Variants in BTN3A3 observed in about 807,000 individuals in gnomAD.
The protein encoded by BTN3A3 is butyrophilin 3.
BTN3A3 carries 39 observed loss-of-function variants against 43.2 expected under a neutral mutation model. The observed-to-expected ratio is 0.90, with a 90% confidence interval of 0.70 to 1.18. The LOEUF (loss-of-function observed/expected upper bound fraction) is 1.18. Among genes scored for constraint, BTN3A3 ranks in the 50% most tolerant of loss-of-function variants. The pLI, the probability that BTN3A3 is intolerant of heterozygous loss-of-function variation, is 0.00. For synonymous variants in BTN3A3, 255 were observed against 272.7 expected, an observed-to-expected ratio of 0.93 and a Z score of 0.64; for missense variants, 631 against 722.8, an observed-to-expected ratio of 0.87 and a Z score of 1.46.
intron 10 of BTN3A3, 85 bp downstream of exon 10, chr6:26,450,218 A>C (rs950836427): frequency 3.2e-5 from 49 of 1,514,348 alleles, no homozygotes; most frequent in Non-Finnish European, 1.0e-5. Flanking sequence ...TGATTTAGGG[A>C]AGAAAAGTTC....
Position 26,452,375 on chromosome 6 carries a change from C to T in BTN3A3, c.1719C>T (p.Asn573=). The T allele has an allele frequency of 6.2e-7, 1 of 1,607,112 alleles. No homozygotes were observed. Among genetic ancestry groups the T allele is most frequent in the Non-Finnish European group, 8.5e-7 (1 of 1,179,874 alleles). Residue 573 remains asparagine, a synonymous_variant, in exon 11 of 11, where the codon AAC becomes AAT. Transcript: ENST00000244519. ...CCCCTTCTGCAACAACCAATCAGAA[C>T]CATAAGCTACAGGCACGCACTGAAG... ...EVSPSATTNQ[N]HKLQARTEAL... is the part of the protein sequence containing the mutation.
Position 26,452,117 on chromosome 6 carries a change from G to T in BTN3A3, c.1461G>T (p.Pro487=), listed in dbSNP as rs774875636. ...ATGGATCTCATATCTACACCTTTCC[G>T]CACGCCTCTTTCTCTGAGCCTCTAT... ...ATDGSHIYTF[P]HASFSEPLYP... is the part of the protein sequence containing the mutation. Residue 487 remains proline, a synonymous_variant, in exon 11 of 11, where the codon CCG becomes CCT. Coordinates refer to ENST00000244519, the MANE Select transcript of BTN3A3 (RefSeq NM_006994.5). 1.1e-5 allele frequency: 17 copies of T among 1,614,022 alleles called. No homozygotes were observed. The highest frequency in any genetic ancestry group is 1.4e-5 in the Non-Finnish European group (16 of 1,180,004).
In BTN3A3 at chr6:26,452,220, C is replaced by T; in HGVS notation, c.1564C>T (p.Pro522Ser). The T allele has an allele frequency of 6.2e-7, 1 of 1,614,130 alleles. No individual in the cohort carries two copies. The highest frequency in any genetic ancestry group is 8.5e-7 in the Non-Finnish European group (1 of 1,180,020). The change falls in exon 11 of 11, where the codon CCC (proline) becomes TCC (serine). Residue 522 changes from proline to serine, a missense_variant. Pro to Ser is a moderately conservative substitution (Grantham distance 74). Transcript: ENST00000244519. ...CPIPKEVESSPDPDLVPDHSL... is the reference protein window; with the variant it reads ...CPIPKEVESSSDPDLVPDHSL... ...AATACCAAAAGAAGTAGAGAGTTCC[C>T]CCGATCCTGACCTAGTGCCTGATCA...
At chr6:26,449,785 T>C in intron 9 of BTN3A3, 97 bp downstream of exon 9, 2 of 1,447,516 alleles carry the variant, frequency 1.4e-6, no homozygotes, top group South Asian at 2.3e-5. Flanking sequence ...TCAGTTGGAT[T>C]AATCAGATCT....
At chr6:26,449,554 G>T in intron 8 of BTN3A3, 108 bp from the exon 9 acceptor site, 1 of 1,161,038 alleles carries the variant, frequency 8.6e-7, no homozygotes, top group African/African-American at 1.5e-5. Context: ...CCACAGGGAA[G>T]AGTGGAATGG....
At chr6:26,442,927 G>T (rs528115536) in intron 1 of BTN3A3, among the ~76,000 whole-genome samples, 1 of 152,182 alleles carries the variant, frequency 6.6e-6, no homozygotes, top group Non-Finnish European at 1.5e-5. Flanking sequence ...CACTAATATA[G>T]TAGGCCTCAC....
At chr6:26,441,738 C>T (rs937939419) in intron 1 of BTN3A3, among the ~76,000 whole-genome samples, 1 of 152,052 alleles carries the variant, frequency 6.6e-6, no homozygotes, top group Non-Finnish European at 1.5e-5. Flanking sequence ...CATTATGTTA[C>T]CCAGGCTGTT....
In BTN3A3 at chr6:26,452,726, A is replaced by G. The variant is rs1355761225; in HGVS notation, c.*315A>G. ...ATGAAGTAACTTACATAACTCATAC[A>G]GTAATTTGTGCAGTTGGGAGATGTT... On this transcript the variant is annotated 3_prime_UTR_variant, in exon 11 of 11. Coordinates refer to ENST00000244519, the MANE Select transcript of BTN3A3 (RefSeq NM_006994.5). The G allele has an allele frequency of 1.4e-5, 4 of 286,214 alleles. No homozygotes were observed. Among genetic ancestry groups the G allele is most frequent in the Non-Finnish European group, 2.6e-5 (4 of 152,156 alleles). 17.7% of individuals were successfully genotyped at this position (286,214 alleles called of 1,614,324 possible).
chr6:26,449,176 G>C lies in BTN3A3; in HGVS notation c.964+422G>C, dbSNP rs557991921. On this transcript the variant is annotated intron_variant, in intron 8 of 10. Transcript: ENST00000244519. ...TAAGAGATAAGAAAATCAGAAAAGA[G>C]AGAGGGAGACAAGTGTGTCTAATAA... 5 of 216,450 alleles carry C rather than the reference G, an allele frequency of 2.3e-5. No individual in the cohort carries two copies. In the South Asian group the frequency reaches 5.2e-4, roughly 22 times the overall value. The allele number at this position is 216,450 out of a possible 1,614,324, so 13.4% of individuals were successfully genotyped here.
Position 26,452,202 on chromosome 6 carries a change from A to C in BTN3A3, c.1546A>C (p.Lys516Gln). The C allele has an allele frequency of 6.2e-7, 1 of 1,614,070 alleles. No homozygotes were observed. The highest frequency in any genetic ancestry group is 8.5e-7 in the Non-Finnish European group (1 of 1,180,006). The change falls in exon 11 of 11, where the codon AAA becomes CAA. Residue 516 changes from lysine to glutamine, a missense_variant. Transcript: ENST00000244519. ...TGCCCTGACCATTTGCCCAATACCA[A>C]AAGAAGTAGAGAGTTCCCCCGATCC... ...PTALTICPIP[K>Q]EVESSPDPDL... is the part of the protein sequence containing the mutation.
chr6:26,449,795 T>A, intron 9 of BTN3A3, 107 bp downstream of exon 9: 1 of 1,398,780 alleles, frequency 7.1e-7, no homozygotes, highest in Non-Finnish European at 1.0e-6. Context: ...TAATCAGATC[T>A]AACCCTTAGA....
intron 4 of BTN3A3, chr6:26,445,130 A>G (rs888451883): frequency 1.3e-5 from 2 of 159,528 alleles, no homozygotes; most frequent in African/African-American, 4.8e-5. Context: ...TGTATTTCCC[A>G]TGATCTGTCA....
chr6:26,448,661 C>T, intron 7 of BTN3A3, 24 bp downstream of exon 7: 1 of 1,613,990 alleles, frequency 6.2e-7, no homozygotes. Flanking sequence ...CCCCAGGAGA[C>T]CCAGGCATGT....
intron 4 of BTN3A3, 165 bp from the exon 5 acceptor site, chr6:26,445,539 G>T: frequency 1.2e-6 from 1 of 824,304 alleles, no homozygotes; most frequent in South Asian, 1.8e-5. Flanking sequence ...CTGGGATACT[G>T]CACTAGCCCA....
intron 10 of BTN3A3, among the ~76,000 whole-genome samples, chr6:26,450,404 C>G (rs1762897560): frequency 6.6e-6 from 1 of 152,132 alleles, no homozygotes; most frequent in Non-Finnish European, 1.5e-5. Flanking sequence ...GGGAAGGAGA[C>G]ACACACTGAG....
At chr6:26,448,167 T>A (rs1762830930) in intron 5 of BTN3A3, 81 bp from the exon 6 acceptor site, 1 of 1,500,730 alleles carries the variant, frequency 6.7e-7, no homozygotes, top group Non-Finnish European at 9.0e-7. Flanking sequence ...CAACCTGGGC[T>A]GAGCAGCTAA....
Position 26,452,228 on chromosome 6 carries a change from T to G in BTN3A3, c.1572T>G (p.Pro524=). The G allele has an allele frequency of 1.9e-6, 3 of 1,614,194 alleles. No homozygotes were observed. The highest frequency in any genetic ancestry group is 2.5e-6 in the Non-Finnish European group (3 of 1,180,034). The change falls in exon 11 of 11, where the codon CCT becomes CCG. Residue 524 remains proline, a synonymous_variant. Transcript: ENST00000244519. ...AAGAAGTAGAGAGTTCCCCCGATCCTGACCTAGTGCCTGATCATTCCCTGG... is the reference window on the plus strand; with the variant it reads ...AAGAAGTAGAGAGTTCCCCCGATCCGGACCTAGTGCCTGATCATTCCCTGG... ...IPKEVESSPD[P]DLVPDHSLET... is the part of the protein sequence containing the mutation.
At position 26,448,458 on chromosome 6, in the gene BTN3A3, G is replaced by A. The variant is rs558589117; in HGVS notation, c.916+10G>A. On this transcript the variant is annotated intron_variant, in intron 6 of 10. Transcript: ENST00000244519. ...GAAATAAGCCTAAGAGGTATCCAAC[G>A]CAAGCAGAGAATCTAAGCCCCTGGC... The A allele has an allele frequency of 3.7e-5, 60 of 1,611,416 alleles. No individual in the cohort carries two copies. The highest frequency in any genetic ancestry group is 2.7e-4 in the African/African-American group (20 of 74,828).
intron 5 of BTN3A3, among the ~76,000 whole-genome samples, chr6:26,447,279 CT>C (rs1762804954): frequency 6.6e-6 from 1 of 152,154 alleles, no homozygotes; most frequent in Non-Finnish European, 1.5e-5. Context: ...TTTTAATTTA[CT>C]TTTTTTAGTT....
Sources: allele counts gnomAD v4.1 joint callset (sites outside exome capture counted in the v4.1 genomes callset), GRCh38; gene constraint gnomAD v4.1.1; transcripts MANE v1.5; gene names NCBI Gene and HGNC (gene_info 2026-07-23, HGNC 2026-07-21).